The following CNOT6L variants were observed in gnomAD, a reference collection of about 807,000 sequenced individuals.
The protein encoded by CNOT6L is CCR4-NOT transcription complex subunit 6 like.
In CNOT6L, 7 loss-of-function variants were observed where a neutral mutation model predicts 64.0. That is an observed-to-expected ratio of 0.11 (90% confidence interval 0.06 to 0.21). The LOEUF is 0.21. Among genes scored for constraint, CNOT6L ranks in the 10% least tolerant of loss-of-function variants. The pLI, the probability that CNOT6L is intolerant of heterozygous loss-of-function variation, is 1.00. For synonymous variants in CNOT6L, 193 were observed against 243.4 expected (o/e 0.79, Z 1.93); for missense variants, 245 against 669.0 (o/e 0.37, Z 6.99).
chr4:77,724,846 A>G (rs1721663181), intron 11 of CNOT6L, among the ~76,000 whole-genome samples: 1 of 152,128 alleles, frequency 6.6e-6, no homozygotes, highest in Non-Finnish European at 1.5e-5. Flanking sequence ...TGTATCATTA[A>G]AAGGTATTCC....
chr4:77,779,579 T>C (rs1447750689), intron 1 of CNOT6L, among the ~76,000 whole-genome samples: 1 of 152,040 alleles, frequency 6.6e-6, no homozygotes, highest in East Asian at 1.9e-4. Context: ...TGTTTACCAA[T>C]ATCTATAATA....
At chr4:77,789,235 C>T (rs1357036443) in intron 1 of CNOT6L, among the ~76,000 whole-genome samples, 1 of 151,960 alleles carries the variant, frequency 6.6e-6, no homozygotes, top group African/African-American at 2.4e-5. Flanking sequence ...CCTCTAACTG[C>T]TTGTTTTCAA....
intron 1 of CNOT6L, chr4:77,819,024 G>A: frequency 1.6e-6 from 1 of 638,176 alleles, no homozygotes. Flanking sequence ...ACGCCACTCT[G>A]GGGTCCCGGC....
chr4:77,738,838 T>A (rs1213249418), intron 8 of CNOT6L, among the ~76,000 whole-genome samples: 1 of 151,956 alleles, frequency 6.6e-6, no homozygotes, highest in East Asian at 1.9e-4. Flanking sequence ...TATGTATGAA[T>A]GTATTTTATA....
At chr4:77,786,429 C>T (rs1171881802) in intron 1 of CNOT6L, among the ~76,000 whole-genome samples, 1 of 151,980 alleles carries the variant, frequency 6.6e-6, no homozygotes, top group Admixed American at 6.6e-5. Flanking sequence ...AGCCTGGTGG[C>T]ACAGTGAGAC....
intron 5 of CNOT6L, among the ~76,000 whole-genome samples, chr4:77,751,080 A>C (rs1297514384): frequency 1.3e-5 from 2 of 152,230 alleles, no homozygotes; most frequent in African/African-American, 4.8e-5. Flanking sequence ...CACTGAGCTG[A>C]ATCAGATGTT....
chr4:77,727,852 G>C (rs560261180), intron 10 of CNOT6L, among the ~76,000 whole-genome samples: 1 of 152,294 alleles, frequency 6.6e-6, no homozygotes, highest in Admixed American at 6.5e-5. Flanking sequence ...TATAAACAAT[G>C]ATTTCAGCAT....
chr4:77,739,494 A>G (rs957622894), intron 8 of CNOT6L, among the ~76,000 whole-genome samples: 1 of 152,218 alleles, frequency 6.6e-6, no homozygotes, highest in East Asian at 1.9e-4. Context: ...TTTTTGCCCT[A>G]TATTTCCAGT....
intron 11 of CNOT6L, among the ~76,000 whole-genome samples, chr4:77,722,670 T>C (rs761881114): frequency 6.6e-6 from 1 of 152,202 alleles, no homozygotes; most frequent in Non-Finnish European, 1.5e-5. Context: ...TTTAATTGAA[T>C]GCATCACTTG....
rs374825625 is a variant in CNOT6L at position 77,776,309 on chromosome 4, T to A, written c.89A>T (p.Asn30Ile). ...YTIMSAEEVA[N>I]GKKSHWAELE... ...TTCTGCCCAGTGAGATTTTTTCCCA[T>A]TGGCTACCTCCTCTGCTGACATGAT... The change falls in exon 2 of 12, where the codon AAT becomes ATT. Residue 30 changes from asparagine (N) to isoleucine (I), a missense_variant. Around this residue, in one of 10 missense-constraint regions of CNOT6L, gnomAD observed 78 missense variants for 137.6 expected, o/e 0.57. Coordinates refer to ENST00000504123, the MANE Select transcript of CNOT6L (RefSeq NM_144571.3). 11 of 1,611,736 alleles carry A rather than the reference T, an allele frequency of 6.8e-6. No homozygotes were observed. Among genetic ancestry groups the A allele is most frequent in the Non-Finnish European group, 8.5e-6 (10 of 1,179,502 alleles).
At chr4:77,819,555 C>A (rs866035000), upstream of CNOT6L, 58 of 429,894 alleles carry the variant, frequency 1.3e-4, no homozygotes, top group African/African-American at 1.2e-3. Flanking sequence ...GGAACCCGGG[C>A]CCGGGGTCTC....
rs1341836244 is a variant in CNOT6L at position 77,714,907 on chromosome 4, A to G, written c.*5524T>C. 1 of 152,598 alleles carries G rather than the reference A, an allele frequency of 6.6e-6. No individual in the cohort carries two copies. 9.5% of individuals were successfully genotyped at this position (152,598 alleles called of 1,614,324 possible). A position where few individuals can be genotyped will look rare whatever the true frequency, so the allele number is the denominator to read the frequency against. The stretch of plus-strand genomic sequence containing the variant: ...CAGCAGGATACTAAGTCTGTTTGGT[A>G]AGAAGCAAAGCCATTGTTTGACATC... On this transcript the variant is annotated 3_prime_UTR_variant, in exon 12 of 12. Coordinates refer to ENST00000504123, the MANE Select transcript of CNOT6L (RefSeq NM_144571.3).
At chr4:77,758,391 G>T (rs187586467) in intron 4 of CNOT6L, among the ~76,000 whole-genome samples, 2 of 152,150 alleles carry the variant, frequency 1.3e-5, no homozygotes, top group Non-Finnish European at 2.9e-5. Context: ...TCCAAAATGC[G>T]TCACTGAGAG....
At chr4:77,749,660 C>T (rs188805429) in intron 5 of CNOT6L, among the ~76,000 whole-genome samples, 67 of 152,132 alleles carry the variant, frequency 4.4e-4, no homozygotes, top group African/African-American at 1.4e-3. Context: ...ATAATATGAG[C>T]GAATACTCTA....
Position 77,731,376 on chromosome 4 carries a change from A to T in CNOT6L, c.1024+11T>A. 6.2e-7 allele frequency: 1 copy of T among 1,607,560 alleles called. No individual in the cohort carries two copies. Among genetic ancestry groups the T allele is most frequent in the Non-Finnish European group, 8.5e-7 (1 of 1,177,898 alleles). On this transcript the variant is annotated intron_variant, in intron 9 of 11. Transcript: ENST00000504123. ...TTTATTTTTAGTAAGAATATTTTACATTGCACTCACCTGCTCCAAATAGTT... is the reference window on the plus strand; with the variant it reads ...TTTATTTTTAGTAAGAATATTTTACTTTGCACTCACCTGCTCCAAATAGTT...
At chr4:77,791,857 T>C (rs1005849892) in intron 1 of CNOT6L, among the ~76,000 whole-genome samples, 10 of 152,198 alleles carry the variant, frequency 6.6e-5, no homozygotes, top group African/African-American at 2.4e-4. Flanking sequence ...TGCATGTTCT[T>C]AATTTATAGA....
chr4:77,736,170 G>C (rs1722922858), intron 8 of CNOT6L, among the ~76,000 whole-genome samples: 2 of 152,104 alleles, frequency 1.3e-5, no homozygotes, highest in Admixed American at 1.3e-4. Flanking sequence ...CACTGCCACT[G>C]AGAAACTCTA....
chr4:77,729,073 G>C lies in CNOT6L; in HGVS notation c.1033C>G (p.Pro345Ala). Residue 345 changes from proline (P) to alanine (A), a missense_variant, in exon 10 of 12, where the codon CCT becomes GCT. Coordinates refer to ENST00000504123, the MANE Select transcript of CNOT6L (RefSeq NM_144571.3). ...AGCTGTTTGTCTGCAGCATGAATAG[G>C]CTTCATACCTAAATTTAAACATTAC... ...HKELFGAGMK[P>A]IHAADKQLLI... 1 of 1,609,640 alleles carries C rather than the reference G, an allele frequency of 6.2e-7. No individual in the cohort carries two copies. The highest frequency in any genetic ancestry group is 8.5e-7 in the Non-Finnish European group (1 of 1,176,812).
intron 1 of CNOT6L, among the ~76,000 whole-genome samples, chr4:77,794,150 C>CAAAAAAAAA (rs10649868): frequency 5.8e-5 from 3 of 52,024 alleles, no homozygotes; most frequent in African/African-American, 3.0e-4. Context: ...GACTCTGTCT[C>CAAAAAAAAA]AAAAAAAAAA....
Sources: allele counts gnomAD v4.1 joint callset (sites outside exome capture counted in the v4.1 genomes callset), GRCh38; gene constraint gnomAD v4.1.1; regional missense constraint gnomAD v4.1.1; transcripts MANE v1.5; gene names NCBI Gene and HGNC (gene_info 2026-07-23, HGNC 2026-07-21).